GRID2: variants seen among roughly 807,000 people sequenced by gnomAD.
GRID2 encodes glutamate ionotropic receptor delta type subunit 2.
GRID2 carries 33 observed loss-of-function variants against 114.8 expected under a neutral mutation model. That is an observed-to-expected ratio of 0.29 (90% CI 0.22 to 0.38). The LOEUF (loss-of-function observed/expected upper bound fraction) is 0.38, where lower values mean the gene tolerates loss of function less well. Ranked by LOEUF, GRID2 falls within the 10% of genes least tolerant of loss-of-function variation. GRID2 has a pLI of 1.00. For missense variants in GRID2, 1,184 were observed against 1,257.7 expected (o/e 0.94, Z 0.89); for synonymous variants, 505 against 449.9 (o/e 1.12, Z -1.55).
At chr4:93,125,560 A>T (rs1469545778) in intron 4 of GRID2, among the ~76,000 whole-genome samples, 1 of 152,152 alleles carries the variant, frequency 6.6e-6, no homozygotes, top group Non-Finnish European at 1.5e-5. Context: ...CAAAAACTTC[A>T]CTTTGAAAGA....
intron 2 of GRID2, among the ~76,000 whole-genome samples, chr4:92,831,699 A>G (rs1742114060): frequency 6.6e-6 from 1 of 151,966 alleles, no homozygotes; most frequent in Non-Finnish European, 1.5e-5. Flanking sequence ...ACAAAAAATT[A>G]AAGTAAAGTT....
At chr4:93,276,677 T>C (rs1752093296) in intron 8 of GRID2, among the ~76,000 whole-genome samples, 1 of 152,030 alleles carries the variant, frequency 6.6e-6, no homozygotes, top group Admixed American at 6.6e-5. Flanking sequence ...TTTGATACTA[T>C]TGTGAGTGAC....
intron 2 of GRID2, among the ~76,000 whole-genome samples, chr4:92,851,053 T>C (rs1743748419): frequency 6.6e-6 from 1 of 151,934 alleles, no homozygotes; most frequent in South Asian, 2.1e-4. Context: ...TTTTAATTAG[T>C]ATTACTGAAA....
At chr4:92,673,365 T>C (rs1733170352) in intron 2 of GRID2, among the ~76,000 whole-genome samples, 1 of 152,190 alleles carries the variant, frequency 6.6e-6, no homozygotes, top group South Asian at 2.1e-4. Context: ...CTACATACGC[T>C]ATTTTTTAAA....
intron 4 of GRID2, among the ~76,000 whole-genome samples, chr4:93,152,959 A>G (rs1403460876): frequency 6.6e-6 from 1 of 152,140 alleles, no homozygotes; most frequent in Non-Finnish European, 1.5e-5. Context: ...GAGGAAGACC[A>G]ATAATGTTAT....
At chr4:92,673,629 A>G (rs749517869) in intron 2 of GRID2, among the ~76,000 whole-genome samples, 2 of 152,162 alleles carry the variant, frequency 1.3e-5, no homozygotes, top group South Asian at 2.1e-4. Flanking sequence ...TTTTCCCTGC[A>G]TATGAAATTC....
intron 11 of GRID2, among the ~76,000 whole-genome samples, chr4:93,464,308 A>G (rs970759765): frequency 2.0e-5 from 3 of 152,134 alleles, no homozygotes; most frequent in African/African-American, 7.2e-5. Flanking sequence ...ATGAATATGT[A>G]ATTAGAGGTT....
chr4:92,872,613 A>G (rs562331740), intron 2 of GRID2, among the ~76,000 whole-genome samples: 5 of 152,232 alleles, frequency 3.3e-5, no homozygotes, highest in African/African-American at 1.2e-4. Context: ...CCATGCAAGT[A>G]TATCTTCAAA....
At chr4:92,554,701 A>G (rs1339599292) in intron 1 of GRID2, among the ~76,000 whole-genome samples, 1 of 152,208 alleles carries the variant, frequency 6.6e-6, no homozygotes, top group Non-Finnish European at 1.5e-5. Context: ...AAAAGAGATT[A>G]TTATGAAAGT....
chr4:92,460,053 T>TATAC lies in GRID2; in HGVS notation c.89-130077_89-130076insTACA, dbSNP rs1032538170. On this transcript the variant is annotated intron_variant, in intron 1 of 15. Transcript: ENST00000282020. ...CTCACTATATATATATATATATATATACACACACAACTTTTTGGTTCTGTT... is the reference window on the plus strand; with the variant it reads ...CTCACTATATATATATATATATATATATACACACACACAACTTTTTGGTTCTGTT... Among the ~76,000 whole-genome samples the TATAC allele has an allele frequency of 8.0e-5, 8 of 99,794 alleles. 1 individual carries two copies. The highest frequency in any genetic ancestry group is 2.3e-4 in the African/African-American group (6 of 25,600). The allele number at this position is 99,794 out of a possible 152,430, so 65.5% of individuals were successfully genotyped here.
At chr4:93,077,506 G>A (rs989692880) in intron 2 of GRID2, among the ~76,000 whole-genome samples, 1 of 151,858 alleles carries the variant, frequency 6.6e-6, no homozygotes, top group African/African-American at 2.4e-5. Flanking sequence ...AGTTTTATAA[G>A]GAACAATAAT....
intron 14 of GRID2, among the ~76,000 whole-genome samples, chr4:93,697,880 T>TATA (rs1208336606): frequency 6.8e-6 from 1 of 147,844 alleles, no homozygotes; most frequent in South Asian, 2.1e-4. Context: ...TATATATATA[T>TATA]TTCAAAACAA....
intron 2 of GRID2, among the ~76,000 whole-genome samples, chr4:92,882,139 T>G (rs890576685): frequency 9.9e-5 from 15 of 152,162 alleles, no homozygotes; most frequent in Admixed American, 8.5e-4. Flanking sequence ...AGTAGAGTTT[T>G]ATTTTAGAAG....
intron 14 of GRID2, among the ~76,000 whole-genome samples, chr4:93,629,318 C>G (rs947849469): frequency 9.2e-5 from 14 of 152,006 alleles, no homozygotes; most frequent in African/African-American, 3.1e-4. Flanking sequence ...TGTGGAGTTT[C>G]TTGGTAACGA....
At chr4:93,043,268 A>G (rs1301056215) in intron 2 of GRID2, among the ~76,000 whole-genome samples, 3 of 152,196 alleles carry the variant, frequency 2.0e-5, no homozygotes, top group Non-Finnish European at 2.9e-5. Context: ...AGTGATTTTA[A>G]CAATTTGATA....
chr4:93,278,348 C>T (rs1026750264), intron 8 of GRID2, among the ~76,000 whole-genome samples: 13 of 151,194 alleles, frequency 8.6e-5, no homozygotes, highest in African/African-American at 2.2e-4. Context: ...GTGAGACTGG[C>T]GCTTGAAGGC....
At position 92,304,668 on chromosome 4, in the gene GRID2, C is replaced by G. The variant is rs1161380040; in HGVS notation, c.12C>G (p.Phe4Leu). 6 of 1,612,086 alleles carry G rather than the reference C, an allele frequency of 3.7e-6. No individual in the cohort carries two copies. Among genetic ancestry groups the G allele is most frequent in the Non-Finnish European group, 4.2e-6 (5 of 1,178,344 alleles). Residue 4 changes from phenylalanine (F) to leucine (L), a missense_variant, in exon 1 of 16, where the codon TTC (phenylalanine) becomes TTG (leucine). This residue lies in a region of GRID2 where 455 missense variants were observed against 429.5 expected (regional missense o/e 1.06). Coordinates refer to ENST00000282020, the MANE Select transcript of GRID2 (RefSeq NM_001510.4). The part of the protein sequence containing the change: MEV[F>L]PFLLVLSVWW... ...CGGCATAGGAGGAGATGGAAGTTTT[C>G]CCCTTTCTCTTGGTTTTGTCCGTCT...
rs796471689 is a variant in GRID2, at chr4:92,309,519, AT to A, written c.88+4786del. On this transcript the variant is annotated intron_variant, in intron 1 of 15. Coordinates refer to ENST00000282020, the MANE Select transcript of GRID2 (RefSeq NM_001510.4). ...TAGGTGTCACTGCATTCTGAGCTGT[AT>A]TTTTTTTTTTAGTACTACTTGAAAA... Among the ~76,000 whole-genome samples the A allele has an allele frequency of 7.7e-3, 1,131 of 146,404 alleles. 6 individuals are homozygous for A. The highest frequency in any genetic ancestry group is 0.025 in the African/African-American group (1,012 of 40,334).
At chr4:92,416,415 C>T (rs989679001) in intron 1 of GRID2, among the ~76,000 whole-genome samples, 1 of 151,982 alleles carries the variant, frequency 6.6e-6, no homozygotes, top group Non-Finnish European at 1.5e-5. Context: ...TGATTAGGTC[C>T]CCCGAATTTA....
Sources: gnomAD v4.1 joint callset for allele counts (sites outside exome capture counted in the v4.1 genomes callset) on GRCh38, gnomAD v4.1.1 for gene constraint, gnomAD v4.1.1 regional missense constraint, MANE v1.5 for transcripts, NCBI Gene and HGNC (gene_info 2026-07-23, HGNC 2026-07-21) for gene names.